NFATC3: variants seen among roughly 807,000 people sequenced by gnomAD.
The protein encoded by NFATC3 is nuclear factor of activated T-cells, cytoplasmic 3.
Under a neutral mutation model 98.6 loss-of-function variants are expected in NFATC3, and 46 were observed. The ratio of observed to expected loss-of-function variants is 0.47; its 90% CI spans 0.37 to 0.60. The LOEUF (loss-of-function observed/expected upper bound fraction) is 0.60, where lower values mean the gene tolerates loss of function less well. Ranked by LOEUF, NFATC3 falls within the 20% of genes least tolerant of loss-of-function variation. The pLI, the probability that NFATC3 is intolerant of heterozygous loss-of-function variation, is 0.00. For missense variants in NFATC3, 1,256 were observed against 1,295.5 expected (o/e 0.97, Z 0.47); for synonymous variants, 512 against 472.2 (o/e 1.08, Z -1.09).
chr16:68,166,810 A>C, intron 4 of NFATC3, 33 bp from the exon 5 acceptor site: 1 of 1,536,682 alleles, frequency 6.5e-7, no homozygotes, highest in African/African-American at 1.4e-5. Flanking sequence ...GATTATCAAT[A>C]AACAAATTAA....
In NFATC3 at chr16:68,122,573, A is replaced by G. The variant is rs142516217; in HGVS notation, c.690A>G (p.Gly230=). The change falls in exon 2 of 10, where the codon GGA becomes GGG. Residue 230 remains glycine (G), a synonymous_variant. Transcript: ENST00000346183. ...AAGAAACTTGGCATCAACAGTATGG[A>G]CTTGGACACTCATTATCACCCAGGC... ...PGEETWHQQY[G]LGHSLSPRQS... 4.7e-5 allele frequency: 76 copies of G among 1,614,052 alleles called. No homozygotes were observed. In the African/African-American group the frequency reaches 9.2e-4, roughly 20 times the overall value.
At chr16:68,210,788 TTTTG>T (rs994253205) in intron 9 of NFATC3, among the ~76,000 whole-genome samples, 2 of 152,120 alleles carry the variant, frequency 1.3e-5, no homozygotes, top group Admixed American at 6.6e-5. Context: ...TTTTTTGTTT[TTTTG>T]TTTGTTTGAG....
intron 9 of NFATC3, among the ~76,000 whole-genome samples, chr16:68,219,233 A>T (rs2041760950): frequency 6.6e-6 from 1 of 152,036 alleles, no homozygotes; most frequent in East Asian, 1.9e-4. Flanking sequence ...TACAAAAAAA[A>T]TTAGCTGGGC....
intron 9 of NFATC3, among the ~76,000 whole-genome samples, chr16:68,198,108 C>T (rs2040749956): frequency 6.6e-6 from 1 of 152,062 alleles, no homozygotes; most frequent in Non-Finnish European, 1.5e-5. Flanking sequence ...TCACTTGAGC[C>T]CAGGAGTTTG....
intron 3 of NFATC3, among the ~76,000 whole-genome samples, chr16:68,136,708 T>C (rs114196818): frequency 1.3e-5 from 2 of 152,252 alleles, no homozygotes; most frequent in Admixed American, 6.5e-5. Flanking sequence ...CCATAGAGTA[T>C]AGTTATACAA....
rs1159921064 is a variant in NFATC3, at chr16:68,127,381, A to G, written c.1401+771A>G. ...GACTGAATGGATAGCTAGAAAAATGAATGGATTTTTTTAAGGAAAGAATTT... is the reference window on the plus strand; with the variant it reads ...GACTGAATGGATAGCTAGAAAAATGGATGGATTTTTTTAAGGAAAGAATTT... On this transcript the variant is annotated intron_variant, in intron 3 of 9. Coordinates refer to ENST00000346183, the MANE Select transcript of NFATC3 (RefSeq NM_173165.3). Among the ~76,000 whole-genome samples, 3 of 152,102 alleles carry G rather than the reference A, an allele frequency of 2.0e-5. No homozygotes were observed. In the South Asian group the frequency reaches 6.2e-4, roughly 31 times the overall value.
chr16:68,122,998 C>T lies in NFATC3; in HGVS notation c.1115C>T (p.Ser372Leu). Residue 372 changes from serine (S) to leucine (L), a missense_variant, in exon 2 of 10, where the codon TCA becomes TTA. Coordinates refer to ENST00000346183, the MANE Select transcript of NFATC3 (RefSeq NM_173165.3). ...AGTTTATCACCAGCCCGGGAGACTTCAATAGATGATGGCCTTGGATCTCAG... is the reference window on the plus strand; with the variant it reads ...AGTTTATCACCAGCCCGGGAGACTTTAATAGATGATGGCCTTGGATCTCAG... ...QGSLSPARETSIDDGLGSQYP... is the reference protein window; with the variant it reads ...QGSLSPARETLIDDGLGSQYP... 6.2e-7 allele frequency: 1 copy of T among 1,614,098 alleles called. No homozygotes were observed. The highest frequency in any genetic ancestry group is 8.5e-7 in the Non-Finnish European group (1 of 1,180,032).
intron 9 of NFATC3, chr16:68,192,328 TATATAGAGAG>T (rs2040477252): frequency 2.8e-5 from 4 of 141,656 alleles, no homozygotes; most frequent in African/African-American, 1.1e-4. Flanking sequence ...TGTATATATA[TATATAGAGAG>T]AGAGAGAGAG....
chr16:68,196,439 T>A (rs1194859865), intron 9 of NFATC3, among the ~76,000 whole-genome samples: 1 of 152,210 alleles, frequency 6.6e-6, no homozygotes, highest in East Asian at 1.9e-4. Flanking sequence ...ATTTTTGATA[T>A]TTTTAATTTG....
rs778016298 is a variant in NFATC3, at chr16:68,104,653, G to GTTTTTTTTTTTTTT, written c.104-17331_104-17318dup. On this transcript the variant is annotated intron_variant, in intron 1 of 9. Coordinates refer to ENST00000346183, the MANE Select transcript of NFATC3 (RefSeq NM_173165.3). ...GTTAGCTGTGGGCTTTTCACAAATG[G>GTTTTTTTTTTTTTT]TTTTTTTTTTTTTTTTGAAATGGAG... 4.4e-3 allele frequency among the ~76,000 whole-genome samples: 557 copies of GTTTTTTTTTTTTTT among 126,602 alleles called. 31 individuals carry two copies. The highest frequency in any genetic ancestry group is 0.017 in the African/African-American group (536 of 31,784). 83.1% of individuals were successfully genotyped at this position (126,602 alleles called of 152,430 possible). A position where few individuals can be genotyped will look rare whatever the true frequency, so the allele number is the denominator to read the frequency against.
chr16:68,137,881 A>T (rs1194160206), intron 3 of NFATC3, among the ~76,000 whole-genome samples: 1 of 151,972 alleles, frequency 6.6e-6, no homozygotes, highest in Non-Finnish European at 1.5e-5. Context: ...CGGCCTCCCA[A>T]AGTGCTGGGA....
intron 1 of NFATC3, among the ~76,000 whole-genome samples, chr16:68,091,710 C>T (rs2034718903): frequency 1.3e-5 from 2 of 152,152 alleles, no homozygotes; most frequent in South Asian, 4.1e-4. Flanking sequence ...GTAGGTTGAG[C>T]CTCATTTGAT....
At chr16:68,113,161 G>C (rs1194928772) in intron 1 of NFATC3, among the ~76,000 whole-genome samples, 1 of 152,170 alleles carries the variant, frequency 6.6e-6, no homozygotes, top group Non-Finnish European at 1.5e-5. Context: ...TTAGAGAAGA[G>C]ACACTCTGGC....
chr16:68,169,621 T>A (rs1467161516), intron 5 of NFATC3, among the ~76,000 whole-genome samples: 4 of 152,092 alleles, frequency 2.6e-5, no homozygotes, highest in Non-Finnish European at 5.9e-5. Context: ...TACGCTAAAA[T>A]GATTCTTAAT....
chr16:68,157,414 G>GT (rs1364695663), intron 3 of NFATC3, among the ~76,000 whole-genome samples: 1 of 152,148 alleles, frequency 6.6e-6, no homozygotes, highest in African/African-American at 2.4e-5. Flanking sequence ...TTATAAAATT[G>GT]TAAGTTTATA....
chr16:68,104,500 A>G (rs968442955), intron 1 of NFATC3, among the ~76,000 whole-genome samples: 16 of 151,772 alleles, frequency 1.1e-4, no homozygotes, highest in Non-Finnish European at 1.2e-4. Flanking sequence ...TCCAATTTGG[A>G]TGTCTTTTAA....
At chr16:68,193,716 G>A (rs2040541075) in intron 9 of NFATC3, among the ~76,000 whole-genome samples, 1 of 152,038 alleles carries the variant, frequency 6.6e-6, no homozygotes, top group Non-Finnish European at 1.5e-5. Context: ...TTTCACATTC[G>A]AGAATATTCT....
chr16:68,154,335 CT>C (rs2038498836), intron 3 of NFATC3, among the ~76,000 whole-genome samples: 1 of 152,070 alleles, frequency 6.6e-6, no homozygotes, highest in South Asian at 2.1e-4. Context: ...TCTTTAGGGC[CT>C]TCTAGGAAAG....
chr16:68,195,116 G>A (rs768993681), intron 9 of NFATC3, among the ~76,000 whole-genome samples: 21 of 151,632 alleles, frequency 1.4e-4, no homozygotes, highest in Non-Finnish European at 2.8e-4. Context: ...AAAAGCCAGC[G>A]TGGTGGTGGG....
Sources: allele counts gnomAD v4.1 joint callset (sites outside exome capture counted in the v4.1 genomes callset), GRCh38; gene constraint gnomAD v4.1.1; transcripts MANE v1.5; gene names NCBI Gene and HGNC (gene_info 2026-07-23, HGNC 2026-07-21).